MAP7D2: variants seen among roughly 807,000 people sequenced by gnomAD.
MAP7D2 encodes MAP7 domain containing 2.
In MAP7D2, 33 loss-of-function variants were observed where a neutral mutation model predicts 63.5. That is an observed-to-expected ratio of 0.52 (90% CI 0.39 to 0.70). The LOEUF (loss-of-function observed/expected upper bound fraction) is 0.70, where lower values mean the gene tolerates loss of function less well. MAP7D2 is among the 30% of genes least tolerant of loss of function. The pLI, the probability that MAP7D2 is intolerant of heterozygous loss-of-function variation, is 0.00. For synonymous variants in MAP7D2, 224 were observed against 223.7 expected (o/e 1.00, Z -0.01); for missense variants, 626 against 604.0 (o/e 1.04, Z -0.38).
chrX:20,109,205 A>C (rs2066658639), intron 1 of MAP7D2, among the ~76,000 whole-genome samples: 1 of 109,332 alleles, frequency 9.1e-6, no homozygotes, highest in South Asian at 4.0e-4. Context: ...CCGTGGAGGC[A>C]CAGTGGCACG....
intron 16 of MAP7D2, 108 bp downstream of exon 16, chrX:20,010,669 G>GT: frequency 6.3e-6 from 4 of 636,888 alleles, no homozygotes; most frequent in Non-Finnish European, 9.6e-6. Flanking sequence ...TCATGTTTGC[G>GT]TTTTTCAAAT....
chrX:20,049,305 T>G (rs1214270413), intron 6 of MAP7D2, among the ~76,000 whole-genome samples: 1 of 103,686 alleles, frequency 9.6e-6, no homozygotes, highest in Non-Finnish European at 2.0e-5. Flanking sequence ...GGAGTCTCGC[T>G]GTGTCACCCA....
In MAP7D2 at chrX:20,023,527, G is replaced by A. The variant is rs187432812; in HGVS notation, c.1412+1424C>T. 3.3e-3 allele frequency among the ~76,000 whole-genome samples: 376 copies of A among 112,783 alleles called. 1 individual carries two copies. Among genetic ancestry groups the A allele is most frequent in the African/African-American group, 0.011 (351 of 31,092 alleles). On this transcript the variant is annotated intron_variant, in intron 10 of 16. Transcript: ENST00000379643. The stretch of plus-strand genomic sequence containing the variant: ...AGTAGTTAGGCAACGAGGAGGAGTG[G>A]TAGGTGTGAGGTTTGAAGACTGAAT...
intron 1 of MAP7D2, among the ~76,000 whole-genome samples, chrX:20,082,681 T>G (rs2065806667): frequency 8.9e-6 from 1 of 112,241 alleles, no homozygotes; most frequent in South Asian, 3.7e-4. Context: ...GGGGCTGCAG[T>G]GCAATGGCGC....
At chrX:20,079,456 C>T (rs1039430870) in intron 1 of MAP7D2, among the ~76,000 whole-genome samples, 1 of 111,871 alleles carries the variant, frequency 8.9e-6, no homozygotes, top group Non-Finnish European at 1.9e-5. Context: ...CATCAGATCC[C>T]AGCTACAAAT....
At chrX:20,011,531 T>C (rs1055091925) in intron 15 of MAP7D2, among the ~76,000 whole-genome samples, 19 of 112,598 alleles carry the variant, frequency 1.7e-4, no homozygotes, top group African/African-American at 6.1e-4. Context: ...CCTCAGTTTC[T>C]TCGCCAGTAA....
At chrX:20,047,356 T>C (rs192359743) in intron 6 of MAP7D2, among the ~76,000 whole-genome samples, 4 of 112,336 alleles carry the variant, frequency 3.6e-5, no homozygotes, top group Non-Finnish European at 7.5e-5. Context: ...ATAGTTCCTA[T>C]GTGCGTGCCA....
At position 20,040,204 on chromosome X, in the gene MAP7D2, C is replaced by T. The variant is rs1246643425; in HGVS notation, c.1007+2298G>A. Among the ~76,000 whole-genome samples the T allele has an allele frequency of 3.6e-5, 4 of 110,756 alleles. No individual in the cohort carries two copies. In the East Asian group the frequency reaches 1.1e-3, roughly 31 times the overall value. ...TCCCTACTTTTGAGGTTTTGGGACT[C>T]GGACTGGCTTCCTTGCTCCTCAGCT... On this transcript the variant is annotated intron_variant, in intron 8 of 16. Transcript: ENST00000379643.
At chrX:20,107,841 GT>G (rs1439000819) in intron 1 of MAP7D2, among the ~76,000 whole-genome samples, 3 of 111,664 alleles carry the variant, frequency 2.7e-5, no homozygotes, top group Non-Finnish European at 5.6e-5. Flanking sequence ...TTTTCGCTTA[GT>G]TTTTGTAGTT....
chrX:20,112,395 AG>A (rs2066770043), intron 1 of MAP7D2, among the ~76,000 whole-genome samples: 1 of 111,835 alleles, frequency 8.9e-6, no homozygotes, highest in Admixed American at 9.5e-5. Context: ...GCTAGTCACA[AG>A]GCTTTTAAAA....
rs955156879 is a variant in MAP7D2 at position 20,018,567 on chromosome X, C to T, written c.1413-2242G>A. Among the ~76,000 whole-genome samples, 6 of 108,121 alleles carry T rather than the reference C, an allele frequency of 5.5e-5. No homozygotes were observed. In the Admixed American group the frequency reaches 5.9e-4, roughly 11 times the overall value. The allele number at this position is 108,121 out of a possible 115,157, so 93.9% of individuals were successfully genotyped here. ...AAGTGATTCTTGTGCCTCAGCCTCC[C>T]AAGTAGCCGGGACTACAGGCATGCG... On this transcript the variant is annotated intron_variant, in intron 10 of 16. Coordinates refer to ENST00000379643, the MANE Select transcript of MAP7D2 (RefSeq NM_001168465.2).
intron 1 of MAP7D2, among the ~76,000 whole-genome samples, chrX:20,069,396 C>T (rs2065441265): frequency 9.1e-6 from 1 of 110,421 alleles, no homozygotes; most frequent in African/African-American, 3.3e-5. Flanking sequence ...TCAGTAGAGA[C>T]AAGGTCTCCC....
chrX:20,035,337 C>T (rs1031433046), intron 8 of MAP7D2, among the ~76,000 whole-genome samples: 2 of 111,379 alleles, frequency 1.8e-5, no homozygotes, highest in Non-Finnish European at 3.8e-5. Context: ...CAAGGCTCCC[C>T]GCACCTTGCT....
At chrX:20,082,271 G>A (rs1192325793) in intron 1 of MAP7D2, among the ~76,000 whole-genome samples, 1 of 112,618 alleles carries the variant, frequency 8.9e-6, no homozygotes, top group Non-Finnish European at 1.9e-5. Context: ...GCTCATGCCT[G>A]TATTCCCAGT....
chrX:20,047,629 T>C (rs765445781), intron 6 of MAP7D2, among the ~76,000 whole-genome samples: 33 of 87,561 alleles, frequency 3.8e-4, no homozygotes, highest in Non-Finnish European at 5.9e-4. Context: ...TTGGGCAACA[T>C]AGGAAGACCC....
At chrX:20,060,877 C>T (rs2148364889) in intron 3 of MAP7D2, among the ~76,000 whole-genome samples, 1 of 109,990 alleles carries the variant, frequency 9.1e-6, no homozygotes, top group African/African-American at 3.3e-5. Flanking sequence ...CACTTCTGCC[C>T]TGGCACAGAC....
intron 8 of MAP7D2, among the ~76,000 whole-genome samples, chrX:20,032,553 C>A (rs1300515841): frequency 1.8e-5 from 2 of 111,595 alleles, no homozygotes; most frequent in Admixed American, 9.5e-5. Context: ...CATCCAGACA[C>A]CTTTATCCTA....
At chrX:20,093,970 CA>C (rs1013267122) in intron 1 of MAP7D2, among the ~76,000 whole-genome samples, 1 of 111,059 alleles carries the variant, frequency 9.0e-6, no homozygotes, top group Non-Finnish European at 1.9e-5. Flanking sequence ...GTCCAAAGCA[CA>C]AAATATTAAA....
At chrX:20,015,751 C>T (rs1402145994) in intron 11 of MAP7D2, among the ~76,000 whole-genome samples, 1 of 112,479 alleles carries the variant, frequency 8.9e-6, no homozygotes, top group Admixed American at 9.4e-5. Context: ...TCAGAGGTTC[C>T]CAATGGGACT....
Sources: gnomAD v4.1 joint callset for allele counts (sites outside exome capture counted in the v4.1 genomes callset) on GRCh38, gnomAD v4.1.1 for gene constraint, MANE v1.5 for transcripts, NCBI Gene and HGNC (gene_info 2026-07-23, HGNC 2026-07-21) for gene names.